HYDIN: variants seen among roughly 807,000 people sequenced by gnomAD.
The protein encoded by HYDIN is axonemal central pair apparatus protein HYDIN.
Under a neutral mutation model 403.9 loss-of-function variants are expected in HYDIN, and 132 were observed. The ratio of observed to expected loss-of-function variants is 0.33; its 90% CI spans 0.28 to 0.38. The LOEUF is 0.38. Among genes scored for constraint, HYDIN ranks in the 10% least tolerant of loss-of-function variants. HYDIN has a pLI of 1.00. For missense variants in HYDIN, 2,827 were observed against 5,009.5 expected, an observed-to-expected ratio of 0.56 and a Z score of 13.15; for synonymous variants, 1,202 against 1,891.7, an observed-to-expected ratio of 0.64 and a Z score of 9.46.
intron 1 of HYDIN, among the ~76,000 whole-genome samples, chr16:71,220,672 C>A (rs1376053210): frequency 6.6e-6 from 1 of 152,078 alleles, no homozygotes; most frequent in Non-Finnish European, 1.5e-5. Flanking sequence ...TGATTCAATA[C>A]AAAAATTATT....
chr16:71,230,699 G>T lies in HYDIN; in HGVS notation c.-161C>A. ...CCCGCACTCTCCATGCGCCGCCCGA[G>T]CTGTTGCCGTCCGTTGCCACGGTAA... On this transcript the variant is annotated 5_prime_UTR_variant, in exon 1 of 86. Transcript: ENST00000393567. The T allele has an allele frequency of 3.3e-6, 5 of 1,536,044 alleles. No individual in the cohort carries two copies. Among genetic ancestry groups the T allele is most frequent in the South Asian group, 1.2e-5 (1 of 84,048 alleles).
At chr16:70,906,142 A>G (rs1327566477) in intron 50 of HYDIN, among the ~76,000 whole-genome samples, 1 of 152,152 alleles carries the variant, frequency 6.6e-6, no homozygotes, top group Non-Finnish European at 1.5e-5. Flanking sequence ...AGAAATTTGT[A>G]TATAACTGAA....
intron 1 of HYDIN, among the ~76,000 whole-genome samples, chr16:71,227,147 A>ATG (rs1032698797): frequency 0.03 from 4,514 of 149,966 alleles, 196 homozygotes; most frequent in African/African-American, 0.099. Context: ...ATATATGTGT[A>ATG]TGTGTGTGTG....
chr16:70,996,329 A>T (rs1420909742), intron 23 of HYDIN, among the ~76,000 whole-genome samples: 1 of 152,128 alleles, frequency 6.6e-6, no homozygotes, highest in East Asian at 1.9e-4. Flanking sequence ...GAGAAACCCA[A>T]CCCTTGCTTC....
At chr16:70,834,917 T>C (rs1237574833) in intron 78 of HYDIN, among the ~76,000 whole-genome samples, 20 of 148,560 alleles carry the variant, frequency 1.3e-4, no homozygotes, top group African/African-American at 4.7e-4. Flanking sequence ...CACACATATA[T>C]ACACACATAT....
At chr16:71,012,163 C>T (rs1287717876) in intron 23 of HYDIN, among the ~76,000 whole-genome samples, 4 of 152,312 alleles carry the variant, frequency 2.6e-5, no homozygotes, top group Non-Finnish European at 5.9e-5. Flanking sequence ...TTTCCTTGTG[C>T]TTCTCTTTCA....
At chr16:70,982,079 G>C (rs890710077) in intron 28 of HYDIN, among the ~76,000 whole-genome samples, 1 of 144,178 alleles carries the variant, frequency 6.9e-6, no homozygotes, top group Non-Finnish European at 1.5e-5. Flanking sequence ...AGTGAGCCGA[G>C]ATCGCGCCAC....
At chr16:71,139,108 A>G (rs2085064133) in intron 7 of HYDIN, among the ~76,000 whole-genome samples, 2 of 100,840 alleles carry the variant, frequency 2.0e-5, no homozygotes, top group Non-Finnish European at 5.4e-5. Flanking sequence ...AAAAAAAAAA[A>G]AAAAAAAAAG....
intron 16 of HYDIN, among the ~76,000 whole-genome samples, chr16:71,063,327 T>C (rs1335727996): frequency 6.6e-6 from 1 of 152,278 alleles, no homozygotes; most frequent in Admixed American, 6.5e-5. Context: ...CCGAGCCTTA[T>C]GACAGCCTGA....
chr16:71,007,306 A>G (rs1261007065), intron 23 of HYDIN, among the ~76,000 whole-genome samples: 1 of 152,102 alleles, frequency 6.6e-6, no homozygotes, highest in Non-Finnish European at 1.5e-5. Flanking sequence ...GGGCTCATCA[A>G]TTCCATGCAC....
chr16:70,996,259 A>G (rs1203673029), intron 23 of HYDIN, among the ~76,000 whole-genome samples: 1 of 152,218 alleles, frequency 6.6e-6, no homozygotes, highest in Non-Finnish European at 1.5e-5. Flanking sequence ...AGTCACCTCA[A>G]GAACCACACT....
At chr16:71,092,975 T>C (rs1223088665) in intron 11 of HYDIN, among the ~76,000 whole-genome samples, 3 of 146,310 alleles carry the variant, frequency 2.1e-5, no homozygotes, top group Non-Finnish European at 3.0e-5. Flanking sequence ...ATTTCTCATA[T>C]GCAAAATAGA....
intron 9 of HYDIN, among the ~76,000 whole-genome samples, chr16:71,116,421 A>G (rs1237328483): frequency 6.6e-6 from 1 of 152,000 alleles, no homozygotes; most frequent in Non-Finnish European, 1.5e-5. Context: ...TTCTTTTTTC[A>G]TTCTTCTGTC....
intron 23 of HYDIN, among the ~76,000 whole-genome samples, chr16:71,011,020 T>G (rs546467964): frequency 2.6e-5 from 4 of 152,356 alleles, no homozygotes; most frequent in Non-Finnish European, 4.4e-5. Context: ...TTTCTATCAT[T>G]TGTTGGAAGT....
At chr16:70,822,114 T>C (rs1357971791) in intron 83 of HYDIN, among the ~76,000 whole-genome samples, 1 of 151,878 alleles carries the variant, frequency 6.6e-6, no homozygotes, top group Non-Finnish European at 1.5e-5. Flanking sequence ...ATAGTTGCCA[T>C]AGATAATGAT....
At position 70,913,218 on chromosome 16, in the gene HYDIN, G is replaced by A. The variant is rs2076742657; in HGVS notation, c.8005-4357C>T. Among the ~76,000 whole-genome samples, 4 of 151,668 alleles carry A rather than the reference G, an allele frequency of 2.6e-5. No individual in the cohort carries two copies. The South Asian group carries it at 8.4e-4, about 32-fold the overall frequency. ...TCTTGTTTCTCTAGTTCCTTGAGGT[G>A]TGACCTTAGATTGGCAGTTAGTGCT... On this transcript the variant is annotated intron_variant, in intron 47 of 85. Transcript: ENST00000393567.
At chr16:70,922,344 G>A (rs1355622255) in intron 45 of HYDIN, among the ~76,000 whole-genome samples, 1 of 152,254 alleles carries the variant, frequency 6.6e-6, no homozygotes, top group Non-Finnish European at 1.5e-5. Flanking sequence ...GCAAGACTGT[G>A]GGAGCCCAGC....
chr16:71,070,589 A>C (rs1352199479), intron 13 of HYDIN, among the ~76,000 whole-genome samples: 3 of 135,100 alleles, frequency 2.2e-5, no homozygotes, highest in African/African-American at 3.2e-5. Context: ...TTGGCCTCCC[A>C]AAGTGCTGGG....
chr16:70,979,401 C>T lies in HYDIN; in HGVS notation c.4511-360G>A, dbSNP rs1421873613. ...TAAACCCCTACACCCTGGAGCTCTC[C>T]CAGTGCTGGACAAACCCAGACAGCC... On this transcript the variant is annotated intron_variant, in intron 29 of 85. Transcript: ENST00000393567. Among the ~76,000 whole-genome samples, 4 of 152,074 alleles carry T rather than the reference C, an allele frequency of 2.6e-5. No homozygotes were observed. In the East Asian group the frequency reaches 5.8e-4, roughly 22 times the overall value.
Sources: gnomAD v4.1 joint callset for allele counts (sites outside exome capture counted in the v4.1 genomes callset) on GRCh38, gnomAD v4.1.1 for gene constraint, MANE v1.5 for transcripts, NCBI Gene and HGNC (gene_info 2026-07-23, HGNC 2026-07-21) for gene names.